SUGCT: variants seen among roughly 807,000 people sequenced by gnomAD.
The protein encoded by SUGCT is succinyl-CoA:glutarate-CoA transferase.
Under a neutral mutation model 55.0 loss-of-function variants are expected in SUGCT, and 41 were observed. That is an observed-to-expected ratio of 0.74 (90% CI 0.58 to 0.97). The LOEUF is 0.97. Among genes scored for constraint, SUGCT ranks in the 50% least tolerant of loss-of-function variants. The pLI, the probability that SUGCT is intolerant of heterozygous loss-of-function variation, is 0.00. For missense variants in SUGCT, 568 were observed against 547.8 expected, an observed-to-expected ratio of 1.04 and a Z score of -0.37; for synonymous variants, 187 against 200.4, an observed-to-expected ratio of 0.93 and a Z score of 0.56.
At chr7:40,445,654 A>G (rs1315365285) in intron 9 of SUGCT, among the ~76,000 whole-genome samples, 1 of 152,200 alleles carries the variant, frequency 6.6e-6, no homozygotes, top group Admixed American at 6.5e-5. Flanking sequence ...TTATGAGGCC[A>G]GCATCATCCT....
At chr7:40,790,119 A>G (rs1790231910) in intron 13 of SUGCT, among the ~76,000 whole-genome samples, 1 of 152,182 alleles carries the variant, frequency 6.6e-6, no homozygotes. Flanking sequence ...CCCAAATCTC[A>G]TTTTGAATTA....
At chr7:40,482,299 A>C (rs912285059) in intron 11 of SUGCT, among the ~76,000 whole-genome samples, 1 of 152,202 alleles carries the variant, frequency 6.6e-6, no homozygotes, top group Non-Finnish European at 1.5e-5. Flanking sequence ...TAAGTTTAAA[A>C]TGGTTACAAA....
chr7:40,784,893 A>G (rs1789939404), intron 13 of SUGCT, among the ~76,000 whole-genome samples: 1 of 152,196 alleles, frequency 6.6e-6, no homozygotes, highest in Non-Finnish European at 1.5e-5. Context: ...TAATATTAAC[A>G]TATACATCTA....
chr7:40,945,663 C>T, the SUGCT span, among the ~76,000 whole-genome samples: 24 of 152,288 alleles, frequency 1.6e-4, no homozygotes, highest in Non-Finnish European at 3.4e-4. Context: ...TGAAAATTTT[C>T]ACAAGCAAAA....
chr7:40,337,802 T>G (rs569420773), intron 9 of SUGCT, among the ~76,000 whole-genome samples: 9 of 152,314 alleles, frequency 5.9e-5, no homozygotes, highest in African/African-American at 1.7e-4. Flanking sequence ...TGATGTTAGC[T>G]GGTTATTTTG....
chr7:40,510,880 GAA>G (rs1792888034), intron 12 of SUGCT, among the ~76,000 whole-genome samples: 1 of 152,106 alleles, frequency 6.6e-6, no homozygotes, highest in Non-Finnish European at 1.5e-5. Context: ...ATTGTTGTGG[GAA>G]AAAGGACCAT....
At chr7:40,572,777 T>C (rs370142996) in intron 12 of SUGCT, among the ~76,000 whole-genome samples, 4 of 152,162 alleles carry the variant, frequency 2.6e-5, no homozygotes, top group African/African-American at 7.2e-5. Flanking sequence ...GATGCTGTGA[T>C]GAACGAAGAA....
In SUGCT at chr7:40,309,223, G is replaced by T. The variant is rs574406967; in HGVS notation, c.721-7537G>T. On this transcript the variant is annotated intron_variant, in intron 8 of 13. Transcript: ENST00000335693. ...TAGAATGTAAGCTTCATGAGAGTAGGACTATGTCTTTCTCCTTCCCTGCTG... is the reference window on the plus strand; with the variant it reads ...TAGAATGTAAGCTTCATGAGAGTAGTACTATGTCTTTCTCCTTCCCTGCTG... Among the ~76,000 whole-genome samples, 5 of 152,200 alleles carry T rather than the reference G, an allele frequency of 3.3e-5. No homozygotes were observed. In the East Asian group the frequency reaches 9.7e-4, roughly 29 times the overall value.
chr7:40,611,024 C>T (rs1798743599), intron 12 of SUGCT, among the ~76,000 whole-genome samples: 1 of 152,140 alleles, frequency 6.6e-6, no homozygotes, highest in Non-Finnish European at 1.5e-5. Flanking sequence ...GCATTTTAGA[C>T]ATTTCCCCTG....
chr7:40,642,772 T>A (rs940470447), intron 12 of SUGCT, among the ~76,000 whole-genome samples: 1 of 152,214 alleles, frequency 6.6e-6, no homozygotes, highest in East Asian at 1.9e-4. Flanking sequence ...AACCTGATTC[T>A]GCATGCAGTA....
At chr7:40,288,297 A>G (rs1212839718) in intron 8 of SUGCT, among the ~76,000 whole-genome samples, 1 of 152,130 alleles carries the variant, frequency 6.6e-6, no homozygotes, top group African/African-American at 2.4e-5. Context: ...AAGCTTAAAA[A>G]AAAAAGAAAA....
chr7:40,270,052 C>A (rs2150986032), intron 7 of SUGCT, among the ~76,000 whole-genome samples: 1 of 148,906 alleles, frequency 6.7e-6, no homozygotes, highest in South Asian at 2.1e-4. Context: ...AAGAGAATTG[C>A]ATGAACCCAG....
intron 12 of SUGCT, among the ~76,000 whole-genome samples, chr7:40,608,338 G>A (rs1397220529): frequency 6.6e-6 from 1 of 152,106 alleles, no homozygotes; most frequent in Non-Finnish European, 1.5e-5. Context: ...AGCAATTTGT[G>A]TTTTTAATGG....
chr7:40,644,846 A>C (rs1342297043), intron 12 of SUGCT, among the ~76,000 whole-genome samples: 3 of 152,052 alleles, frequency 2.0e-5, no homozygotes, highest in Non-Finnish European at 4.4e-5. Flanking sequence ...TATGGGGTTT[A>C]CCCGAGTTGC....
intron 12 of SUGCT, among the ~76,000 whole-genome samples, chr7:40,715,808 C>G (rs1785990865): frequency 6.6e-6 from 1 of 152,166 alleles, no homozygotes; most frequent in Non-Finnish European, 1.5e-5. Context: ...CTGTATCAGC[C>G]AAGTGATTCT....
At chr7:40,341,859 C>G (rs1797068533) in intron 9 of SUGCT, among the ~76,000 whole-genome samples, 1 of 152,098 alleles carries the variant, frequency 6.6e-6, no homozygotes, top group Non-Finnish European at 1.5e-5. Context: ...TGAAGCAAAA[C>G]CATTGTGCCT....
chr7:40,731,467 A>G (rs1162372834), intron 12 of SUGCT, among the ~76,000 whole-genome samples: 1 of 152,244 alleles, frequency 6.6e-6, no homozygotes, highest in African/African-American at 2.4e-5. Flanking sequence ...AGGAAAAAAC[A>G]GCATTATCAA....
At chr7:40,609,930 T>G (rs1243410412) in intron 12 of SUGCT, among the ~76,000 whole-genome samples, 2 of 152,228 alleles carry the variant, frequency 1.3e-5, no homozygotes, top group Non-Finnish European at 2.9e-5. Context: ...AATGTAAGTG[T>G]TCAGGCTATT....
intron 8 of SUGCT, among the ~76,000 whole-genome samples, chr7:40,285,271 ATTTTGTCC>A (rs1217223633): frequency 1.3e-5 from 2 of 152,274 alleles, no homozygotes; most frequent in South Asian, 4.1e-4. Context: ...CTGAGTTTAG[ATTTTGTCC>A]TTGGAGAACC....
Sources: gnomAD v4.1 joint callset for allele counts (sites outside exome capture counted in the v4.1 genomes callset) on GRCh38, gnomAD v4.1.1 for gene constraint, MANE v1.5 for transcripts, NCBI Gene and HGNC (gene_info 2026-07-23, HGNC 2026-07-21) for gene names.